Variants in SMARCAD1 observed in about 807,000 individuals in gnomAD.
SMARCAD1 encodes the protein SWI/SNF-related matrix-associated actin-dependent regulator of chromatin subfamily A containing DEAD/H box 1.
SMARCAD1 carries 25 observed loss-of-function variants against 127.1 expected under a neutral mutation model. The ratio of observed to expected loss-of-function variants is 0.20; its 90% CI spans 0.14 to 0.27. SMARCAD1 has a LOEUF of 0.27. Ranked by LOEUF, SMARCAD1 falls within the 10% of genes least tolerant of loss-of-function variation. The probability of loss-of-function intolerance (pLI) is 1.00; values close to 1 mark genes in which losing one functional copy is unlikely to be tolerated. For missense variants in SMARCAD1, 807 were observed against 1,206.0 expected, an observed-to-expected ratio of 0.67 and a Z score of 4.90; for synonymous variants, 400 against 396.9, an observed-to-expected ratio of 1.01 and a Z score of -0.09.
At chr4:94,251,368 A>G (rs1443941625) in intron 8 of SMARCAD1, among the ~76,000 whole-genome samples, 1 of 152,226 alleles carries the variant, frequency 6.6e-6, no homozygotes, top group African/African-American at 2.4e-5. Flanking sequence ...GGAAGAATCA[A>G]GTAGACTAGC....
chr4:94,276,044 G>A (rs182255089), intron 14 of SMARCAD1, among the ~76,000 whole-genome samples: 64 of 152,060 alleles, frequency 4.2e-4, no homozygotes, highest in African/African-American at 1.4e-3. Context: ...TGATCCGCCC[G>A]CCTCGGCCTC....
chr4:94,288,921 G>T (rs928314344), intron 23 of SMARCAD1, among the ~76,000 whole-genome samples: 10 of 152,044 alleles, frequency 6.6e-5, no homozygotes, highest in Non-Finnish European at 1.5e-4. Flanking sequence ...TTATACTGGG[G>T]CCTCATTTAA....
intron 3 of SMARCAD1, among the ~76,000 whole-genome samples, chr4:94,228,108 A>G (rs1305627444): frequency 6.6e-6 from 1 of 152,170 alleles, no homozygotes; most frequent in Non-Finnish European, 1.5e-5. Flanking sequence ...TAAGATGAGG[A>G]CTTCATCTTA....
chr4:94,275,784 C>A (rs955930469), intron 14 of SMARCAD1, among the ~76,000 whole-genome samples: 29 of 100,326 alleles, frequency 2.9e-4, no homozygotes, highest in African/African-American at 8.9e-4. Context: ...CCGATTGTAA[C>A]ATTAACATTT....
chr4:94,252,582 T>C (rs1489709245), intron 8 of SMARCAD1, 34 bp from the exon 9 acceptor site: 1 of 1,382,004 alleles, frequency 7.2e-7, no homozygotes, highest in Non-Finnish European at 9.8e-7. Flanking sequence ...TATGTATTTC[T>C]AATTTAGTTA....
At chr4:94,258,432 T>C (rs1022056139) in intron 9 of SMARCAD1, among the ~76,000 whole-genome samples, 1 of 152,106 alleles carries the variant, frequency 6.6e-6, no homozygotes, top group African/African-American at 2.4e-5. Flanking sequence ...TGGGATTACC[T>C]GGGCCTGTCA....
chr4:94,267,878 G>GTC (rs1751969298), intron 10 of SMARCAD1, among the ~76,000 whole-genome samples: 1 of 152,084 alleles, frequency 6.6e-6, no homozygotes, highest in Admixed American at 6.6e-5. Context: ...ACTGTGAAGC[G>GTC]TCAAAATAGA....
chr4:94,258,107 T>G (rs1750393538), intron 9 of SMARCAD1, among the ~76,000 whole-genome samples: 2 of 152,028 alleles, frequency 1.3e-5, no homozygotes, highest in Non-Finnish European at 2.9e-5. Context: ...TGTCATTAGG[T>G]CAACTCTAAA....
chr4:94,269,949 G>A (rs369919158), intron 10 of SMARCAD1, among the ~76,000 whole-genome samples: 28 of 151,964 alleles, frequency 1.8e-4, no homozygotes, highest in African/African-American at 5.5e-4. Context: ...CTGGGATTAC[G>A]GGCATGAGCC....
chr4:94,254,216 G>A (rs1379111560), intron 9 of SMARCAD1, among the ~76,000 whole-genome samples: 1 of 152,062 alleles, frequency 6.6e-6, no homozygotes, highest in Non-Finnish European at 1.5e-5. Flanking sequence ...GTCAAAGCAG[G>A]CCCTTTCAAA....
Position 94,276,911 on chromosome 4 carries a change from A to G in SMARCAD1, c.1945-111A>G, listed in dbSNP as rs183276797. 1.5e-4 allele frequency: 165 copies of G among 1,098,308 alleles called. No individual in the cohort carries two copies. The African/African-American group carries it at 2.3e-3, about 15-fold the overall frequency. 68.0% of individuals were successfully genotyped at this position (1,098,308 alleles called of 1,614,324 possible). A position where few individuals can be genotyped will look rare whatever the true frequency, so the allele number is the denominator to read the frequency against. The stretch of plus-strand genomic sequence containing the variant: ...ATTTATCACAGAATGTTAAATTATT[A>G]ATAATGGTTTTAATTTATCTCTCCT... On this transcript the variant is annotated intron_variant, in intron 15 of 23. Coordinates refer to ENST00000354268, the MANE Select transcript of SMARCAD1 (RefSeq NM_020159.5).
At chr4:94,208,616 C>A (rs776507449) in intron 2 of SMARCAD1, 32 bp downstream of exon 2, 2 of 1,588,320 alleles carry the variant, frequency 1.3e-6, no homozygotes, top group African/African-American at 2.7e-5. Context: ...GATGTAACAT[C>A]AAGGACAGTT....
chr4:94,244,755 T>TAA (rs776962533), intron 6 of SMARCAD1, among the ~76,000 whole-genome samples: 1,564 of 142,042 alleles, frequency 0.011, 24 homozygotes, highest in African/African-American at 0.038. Flanking sequence ...CCCAAAACAT[T>TAA]AAAAAAAAAA....
chr4:94,259,079 A>G (rs1429764180), intron 9 of SMARCAD1, among the ~76,000 whole-genome samples: 2 of 152,198 alleles, frequency 1.3e-5, no homozygotes, highest in Non-Finnish European at 2.9e-5. Flanking sequence ...TAACTGTTTT[A>G]GCCTCCCTTG....
intron 2 of SMARCAD1, among the ~76,000 whole-genome samples, chr4:94,222,675 A>C (rs1382665273): frequency 6.6e-6 from 1 of 152,138 alleles, no homozygotes; most frequent in African/African-American, 2.4e-5. Context: ...TAATTTTAAA[A>C]ATTGAGGCTG....
Position 94,288,942 on chromosome 4 carries a change from G to A in SMARCAD1, c.3020-531G>A, listed in dbSNP as rs568640391. Reference sequence around the variant, plus strand: ...TGGGGCCTCATTTAATTAAAATATAGGGCAAACATTGGATAAACCAGGTAA... The same window carrying A: ...TGGGGCCTCATTTAATTAAAATATAAGGCAAACATTGGATAAACCAGGTAA... On this transcript the variant is annotated intron_variant, in intron 23 of 23. Transcript: ENST00000354268. 2.0e-5 allele frequency among the ~76,000 whole-genome samples: 3 copies of A among 152,132 alleles called. No homozygotes were observed. The South Asian group carries it at 6.2e-4, about 32-fold the overall frequency.
At chr4:94,261,590 C>T (rs1750989777) in intron 9 of SMARCAD1, among the ~76,000 whole-genome samples, 1 of 152,084 alleles carries the variant, frequency 6.6e-6, no homozygotes, top group South Asian at 2.1e-4. Flanking sequence ...TATATAAATT[C>T]ATTATAATTG....
At chr4:94,226,402 CTT>C (rs34491534) in intron 3 of SMARCAD1, 106 bp downstream of exon 3, 348 of 464,976 alleles carry the variant, frequency 7.5e-4, no homozygotes, top group South Asian at 1.3e-3. Context: ...TTTTTTTTTT[CTT>C]TTTTTTTTTT....
In SMARCAD1 at chr4:94,240,934, T is replaced by A. The variant is rs535477082; in HGVS notation, c.633T>A (p.Ser211=). 3 of 1,613,434 alleles carry A rather than the reference T, an allele frequency of 1.9e-6. No homozygotes were observed. The highest frequency in any genetic ancestry group is 2.2e-5 in the East Asian group (1 of 44,802). Residue 211 remains serine (S), a synonymous_variant, in exon 6 of 24, where the codon TCT becomes TCA. Coordinates refer to ENST00000354268, the MANE Select transcript of SMARCAD1 (RefSeq NM_020159.5). ...GTGGGCCCAGGAAAAGAAAATTATCTTCTTCTTCAGAGCCATATGAGGAAG... is the reference window on the plus strand; with the variant it reads ...GTGGGCCCAGGAAAAGAAAATTATCATCTTCTTCAGAGCCATATGAGGAAG... ...AGGGPRKRKL[S]SSSEPYEEDE...
Sources: allele counts gnomAD v4.1 joint callset (sites outside exome capture counted in the v4.1 genomes callset), GRCh38; gene constraint gnomAD v4.1.1; transcripts MANE v1.5; gene names NCBI Gene and HGNC (gene_info 2026-07-23, HGNC 2026-07-21).